Variants in UST observed in about 807,000 individuals in gnomAD.
UST encodes chondroitin sulfate 2-O-sulfotransferase.
A neutral mutation model predicts 45.6 loss-of-function variants in UST; 21 were observed. The observed-to-expected ratio is 0.46, with a 90% CI of 0.33 to 0.66. The LOEUF (loss-of-function observed/expected upper bound fraction) is 0.66, where lower values mean the gene tolerates loss of function less well. Ranked by LOEUF, UST falls within the 30% of genes least tolerant of loss-of-function variation. The pLI, the probability that UST is intolerant of heterozygous loss-of-function variation, is 0.02. For missense variants in UST, 463 were observed against 512.4 expected (o/e 0.90, Z 0.93); for synonymous variants, 215 against 200.6 (o/e 1.07, Z -0.61).
At position 148,748,334 on chromosome 6, in the gene UST, G is replaced by A. The variant is rs1775917554; in HGVS notation, c.247+657G>A. On this transcript the variant is annotated intron_variant, in intron 1 of 7. Transcript: ENST00000367463. This position sits in a 1 kb window ranked among gnomAD's most constrained non-coding sequence, Gnocchi z 5.3. ...CCGAGGGCGCTGGTCAGCCTGGCCAGCAGTGTCGCCCCCAGTAACCCGAGG... is the reference window on the plus strand; with the variant it reads ...CCGAGGGCGCTGGTCAGCCTGGCCAACAGTGTCGCCCCCAGTAACCCGAGG... Among the ~76,000 whole-genome samples, 1 of 151,948 alleles carries A rather than the reference G, an allele frequency of 6.6e-6. No homozygotes were observed. The highest frequency in any genetic ancestry group is 1.5e-5 in the Non-Finnish European group (1 of 68,022).
At chr6:149,038,177 ATC>A (rs2115029613) in intron 7 of UST, among the ~76,000 whole-genome samples, 1 of 152,102 alleles carries the variant, frequency 6.6e-6, no homozygotes, top group South Asian at 2.1e-4. Flanking sequence ...ACTTGTTCAC[ATC>A]TCTGTTAGGT....
intron 2 of UST, among the ~76,000 whole-genome samples, chr6:148,933,322 C>T (rs1355291087): frequency 6.6e-6 from 1 of 152,120 alleles, no homozygotes; most frequent in African/African-American, 2.4e-5. Flanking sequence ...CCACTATATA[C>T]ATAACAGATA....
chr6:149,066,937 T>TA (rs1375510335), intron 7 of UST, among the ~76,000 whole-genome samples: 1 of 151,906 alleles, frequency 6.6e-6, no homozygotes, highest in Non-Finnish European at 1.5e-5. Context: ...CTCTTAAAAA[T>TA]AAAATGCTAC....
chr6:148,966,707 A>G (rs1207858896), intron 5 of UST, among the ~76,000 whole-genome samples: 2 of 152,162 alleles, frequency 1.3e-5, no homozygotes, highest in Non-Finnish European at 2.9e-5. Context: ...TGTGAGGGGA[A>G]AAAATTATGG....
chr6:148,903,075 G>T (rs1779290527), intron 2 of UST, among the ~76,000 whole-genome samples: 1 of 151,984 alleles, frequency 6.6e-6, no homozygotes, highest in African/African-American at 2.4e-5. Flanking sequence ...AAAAATTACT[G>T]ATATAATGTC....
At chr6:148,947,042 G>A (rs139739507) in intron 3 of UST, among the ~76,000 whole-genome samples, 124 of 151,828 alleles carry the variant, frequency 8.2e-4, no homozygotes, top group African/African-American at 2.9e-3. Flanking sequence ...GAATAAGTGT[G>A]TACAGGAATC....
At chr6:148,897,986 T>G (rs1180121344) in intron 2 of UST, among the ~76,000 whole-genome samples, 1 of 152,036 alleles carries the variant, frequency 6.6e-6, no homozygotes, top group Non-Finnish European at 1.5e-5. Context: ...GTTTCAAACC[T>G]GACTTTACCA....
intron 7 of UST, among the ~76,000 whole-genome samples, chr6:149,056,209 G>A (rs570020175): frequency 1.7e-5 from 2 of 115,986 alleles, no homozygotes; most frequent in South Asian, 2.8e-4. Context: ...CTGCCTCCCG[G>A]GTTCAAGCGA....
intron 7 of UST, among the ~76,000 whole-genome samples, chr6:149,032,825 A>G (rs1776175449): frequency 6.6e-6 from 1 of 152,184 alleles, no homozygotes; most frequent in Admixed American, 6.5e-5. Context: ...TCCCCAGGCA[A>G]AAAGCTGGCT....
chr6:148,886,017 C>T (rs1035317404), intron 1 of UST, among the ~76,000 whole-genome samples: 10 of 152,198 alleles, frequency 6.6e-5, no homozygotes, highest in East Asian at 1.9e-4. Context: ...CTTGGATAGG[C>T]GCCTTCGATT....
At chr6:148,872,078 G>A (rs1282127729) in intron 1 of UST, among the ~76,000 whole-genome samples, 5 of 152,232 alleles carry the variant, frequency 3.3e-5, no homozygotes, top group East Asian at 1.9e-4. Context: ...TGCATGTCGC[G>A]GGTGAAATGT....
intron 1 of UST, among the ~76,000 whole-genome samples, chr6:148,874,992 G>A (rs9390622): frequency 0.06 from 9,108 of 152,306 alleles, 448 homozygotes; most frequent in African/African-American, 0.13. Context: ...CCACATGATC[G>A]TGTCATAGGT....
At chr6:148,912,141 G>A (rs1265719210) in intron 2 of UST, among the ~76,000 whole-genome samples, 1 of 152,212 alleles carries the variant, frequency 6.6e-6, no homozygotes, top group Non-Finnish European at 1.5e-5. Context: ...AGGTTGCAGT[G>A]AGCCGAGATC....
At chr6:148,783,516 C>T (rs1345080092) in intron 1 of UST, among the ~76,000 whole-genome samples, 1 of 152,110 alleles carries the variant, frequency 6.6e-6, no homozygotes, top group Non-Finnish European at 1.5e-5. Flanking sequence ...AAGAAGCAGA[C>T]GTATCATTAT....
chr6:148,911,553 T>G (rs1779475372), intron 2 of UST, among the ~76,000 whole-genome samples: 1 of 152,214 alleles, frequency 6.6e-6, no homozygotes, highest in South Asian at 2.1e-4. Flanking sequence ...ACTTGATGCC[T>G]TCCCCTTCAA....
intron 7 of UST, among the ~76,000 whole-genome samples, chr6:149,046,358 G>A (rs1776395846): frequency 1.3e-5 from 2 of 152,240 alleles, no homozygotes; most frequent in South Asian, 4.1e-4. Context: ...GCAGGCCAAG[G>A]AGTTGGCTGA....
In UST at chr6:148,883,101, G is replaced by T. The variant is rs116641533; in HGVS notation, c.248-3885G>T. Among the ~76,000 whole-genome samples, 977 of 152,318 alleles carry T rather than the reference G, an allele frequency of 6.4e-3. 9 individuals are homozygous for T. The highest frequency in any genetic ancestry group is 0.022 in the African/African-American group (929 of 41,562). On this transcript the variant is annotated intron_variant, in intron 1 of 7. Coordinates refer to ENST00000367463, the MANE Select transcript of UST (RefSeq NM_005715.3). ...GAAAGAATTTAGTGTAGACATAACT[G>T]TTAAGACAGCTACAAAGCCAGTGTC...
intron 1 of UST, among the ~76,000 whole-genome samples, chr6:148,879,026 T>C (rs1011560891): frequency 1.3e-5 from 2 of 152,100 alleles, no homozygotes; most frequent in African/African-American, 4.8e-5. Flanking sequence ...AGGAACAATA[T>C]GTTCTGAAAT....
chr6:148,963,839 A>G (rs1379529296), intron 4 of UST, among the ~76,000 whole-genome samples: 2 of 152,228 alleles, frequency 1.3e-5, no homozygotes, highest in Non-Finnish European at 2.9e-5. Context: ...CAAGCTGGTT[A>G]CATGAGGTAT....
Sources: gnomAD v4.1 joint callset for allele counts (sites outside exome capture counted in the v4.1 genomes callset) on GRCh38, gnomAD v4.1.1 for gene constraint, Gnocchi (gnomAD v3.1) non-coding constraint, MANE v1.5 for transcripts, NCBI Gene and HGNC (gene_info 2026-07-23, HGNC 2026-07-21) for gene names.